CTC1: variants seen among roughly 807,000 people sequenced by gnomAD.
The protein encoded by CTC1 is CST complex subunit CTC1.
In CTC1, 91 loss-of-function variants were observed where a neutral mutation model predicts 136.3. That is an observed-to-expected ratio of 0.67 (90% CI 0.56 to 0.79). CTC1 has a LOEUF of 0.79. Ranked by LOEUF, CTC1 falls within the 30% of genes least tolerant of loss-of-function variation. CTC1 has a pLI of 0.00. For synonymous variants in CTC1, 606 were observed against 613.8 expected (o/e 0.99, Z 0.19); for missense variants, 1,432 against 1,498.1 (o/e 0.96, Z 0.73).
At position 8,230,671 on chromosome 17, in the gene CTC1, C is replaced by T; in HGVS notation, c.2670-20G>A. 6.2e-7 allele frequency: 1 copy of T among 1,604,622 alleles called. No homozygotes were observed. ...GTGAAACTGGAAGGTCAGGGAAATA[C>T]ACTGAGAATGGAGGCACAAGAAAGC... On this transcript the variant is annotated intron_variant, in intron 15 of 22. Coordinates refer to ENST00000651323, the MANE Select transcript of CTC1 (RefSeq NM_025099.6).
At chr17:8,245,534 C>A (rs553300426) in intron 1 of CTC1, among the ~76,000 whole-genome samples, 1 of 152,206 alleles carries the variant, frequency 6.6e-6, no homozygotes, top group South Asian at 2.1e-4. Context: ...ATGGCCTATC[C>A]TTTGCTTGGT....
rs976857663 is a variant in CTC1, at chr17:8,226,527, T to G, written c.*1653A>C. ...ATCAAATTCTCGATTCTAGAGTTCCTAGATGAGAGGTTTGGAGGGTGCCGA... is the reference window on the plus strand; with the variant it reads ...ATCAAATTCTCGATTCTAGAGTTCCGAGATGAGAGGTTTGGAGGGTGCCGA... On this transcript the variant is annotated 3_prime_UTR_variant, in exon 23 of 23. Transcript: ENST00000651323. The G allele has an allele frequency of 3.3e-5, 5 of 152,200 alleles. No homozygotes were observed. The highest frequency in any genetic ancestry group is 7.3e-5 in the Non-Finnish European group (5 of 68,042). The allele number at this position is 152,200 out of a possible 1,614,324, so 9.4% of individuals were successfully genotyped here.
chr17:8,247,840 C>G (rs1988889765), intron 1 of CTC1, 164 bp downstream of exon 1: 1 of 669,118 alleles, frequency 1.5e-6, no homozygotes, highest in Admixed American at 2.6e-5. Context: ...AATAAACATT[C>G]GCAGAACCAG....
At chr17:8,240,877 C>CA (rs901431653) in intron 2 of CTC1, among the ~76,000 whole-genome samples, 3 of 150,926 alleles carry the variant, frequency 2.0e-5, no homozygotes, top group African/African-American at 7.3e-5. Flanking sequence ...ATTCCATCTC[C>CA]AAAAAAAAGA....
At position 8,234,598 on chromosome 17, in the gene CTC1, C is replaced by A; in HGVS notation, c.1675G>T (p.Gly559Ter). The change falls in exon 10 of 23, where the codon GGA becomes TGA. Residue 559 changes from glycine to a stop codon, truncating the protein, a stop_gained. Transcript: ENST00000651323. LOFTEE classifies it high-confidence loss of function. ...AAGGAGGCCCAGGCCTTACGCTGTC[C>A]TTCTTCTTTCAGGGTGGCCAGAGTG... ...FPTLATLKEE[G>*]QRKAWASFDP... The A allele has an allele frequency of 6.2e-7, 1 of 1,611,800 alleles. No homozygotes were observed.
rs567675467 is a variant in CTC1 at position 8,242,585 on chromosome 17, T to C, written c.197+400A>G. Among the ~76,000 whole-genome samples the C allele has an allele frequency of 1.5e-3, 210 of 135,702 alleles. 1 individual carries two copies. Among genetic ancestry groups the C allele is most frequent in the Admixed American group, 4.5e-3 (61 of 13,616 alleles). 89.0% of individuals were successfully genotyped at this position (135,702 alleles called of 152,430 possible). A position where few individuals can be genotyped will look rare whatever the true frequency, so the allele number is the denominator to read the frequency against. ...ATATATATATATATATATATACACATATATATATAAACACACTCTCGGAAG... is the reference window on the plus strand; with the variant it reads ...ATATATATATATATATATATACACACATATATATAAACACACTCTCGGAAG... On this transcript the variant is annotated intron_variant, in intron 2 of 22. Coordinates refer to ENST00000651323, the MANE Select transcript of CTC1 (RefSeq NM_025099.6).
At chr17:8,233,920 G>C (rs1296326826) in intron 10 of CTC1, among the ~76,000 whole-genome samples, 1 of 152,248 alleles carries the variant, frequency 6.6e-6, no homozygotes, top group African/African-American at 2.4e-5. Flanking sequence ...CTGGGCTACA[G>C]AGCAAGATCC....
intron 1 of CTC1, among the ~76,000 whole-genome samples, chr17:8,245,184 T>A (rs542176239): frequency 2.0e-5 from 3 of 152,154 alleles, no homozygotes; most frequent in African/African-American, 7.2e-5. Flanking sequence ...AAAATACCCA[T>A]CAAGTACTAT....
chr17:8,232,218 G>C lies in CTC1; in HGVS notation c.2070C>G (p.Val690=), dbSNP rs1026653265. The change falls in exon 13 of 23, where the codon GTC becomes GTG. Residue 690 remains valine, a synonymous_variant. Coordinates refer to ENST00000651323, the MANE Select transcript of CTC1 (RefSeq NM_025099.6). ...FIQKQQARVY[V]QFFLADALIL... ...TCAGGGCATCAGCCAGAAAGAACTG[G>C]ACATAGACTCTGTTGGGAGAGACAA... 1 of 1,531,912 alleles carries C rather than the reference G, an allele frequency of 6.5e-7. No homozygotes were observed. The highest frequency in any genetic ancestry group is 2.3e-5 in the East Asian group (1 of 44,324). 94.9% of individuals were successfully genotyped at this position (1,531,912 alleles called of 1,614,324 possible).
At chr17:8,241,892 T>A (rs1440780393) in intron 2 of CTC1, among the ~76,000 whole-genome samples, 1 of 146,672 alleles carries the variant, frequency 6.8e-6, no homozygotes, top group African/African-American at 2.5e-5. Flanking sequence ...GGTATTTACA[T>A]AGGGTACGGT....
intron 2 of CTC1, among the ~76,000 whole-genome samples, chr17:8,242,167 T>C (rs913422163): frequency 6.6e-6 from 1 of 151,892 alleles, no homozygotes; most frequent in Admixed American, 6.6e-5. Flanking sequence ...TAGCTGGGGA[T>C]TGCAGGCGCC....
intron 20 of CTC1, 66 bp from the exon 21 acceptor site, chr17:8,228,958 C>T (rs957904562): frequency 5.2e-6 from 8 of 1,538,568 alleles, no homozygotes; most frequent in Admixed American, 3.9e-5. Flanking sequence ...CTGGACCCAA[C>T]ATGCCTCCCT....
Position 8,227,058 on chromosome 17 carries a change from A to G in CTC1, c.*1122T>C, listed in dbSNP as rs987200385. The G allele has an allele frequency of 1.3e-5, 2 of 152,454 alleles. No homozygotes were observed. Among genetic ancestry groups the G allele is most frequent in the Non-Finnish European group, 2.9e-5 (2 of 68,048 alleles). The allele number at this position is 152,454 out of a possible 1,614,324, so 9.4% of individuals were successfully genotyped here. On this transcript the variant is annotated 3_prime_UTR_variant, in exon 23 of 23. Coordinates refer to ENST00000651323, the MANE Select transcript of CTC1 (RefSeq NM_025099.6). ...CACCACGCTCTAACCAACTGAGCTA[A>G]CCGGCCACTAACTTTCCGGGTCTAC...
intron 2 of CTC1, among the ~76,000 whole-genome samples, chr17:8,239,035 T>C (rs1051294454): frequency 2.2e-5 from 3 of 138,170 alleles, no homozygotes; most frequent in Non-Finnish European, 4.5e-5. Flanking sequence ...GAGGTTGCAG[T>C]GAGCTGAGAT....
In CTC1 at chr17:8,248,020, G is replaced by C; in HGVS notation, c.17C>G (p.Ala6Gly). The change falls in exon 1 of 23, where the codon GCC becomes GGC. Residue 6 changes from alanine (A) to glycine (G), a missense_variant. Ala to Gly is a moderately conservative substitution (Grantham distance 60). Transcript: ENST00000651323. ...AGCACTCACGGAGGAAGGGACCTGGGCCCGGCCAGCCGCCATGATGCGCCG... is the reference window on the plus strand; with the variant it reads ...AGCACTCACGGAGGAAGGGACCTGGCCCCGGCCAGCCGCCATGATGCGCCG... MAAGR[A>G]QVPSSEQAWL... is the part of the protein sequence containing the mutation. The C allele has an allele frequency of 1.4e-6, 2 of 1,464,598 alleles. No homozygotes were observed. Among genetic ancestry groups the C allele is most frequent in the Non-Finnish European group, 1.8e-6 (2 of 1,087,560 alleles). The allele number at this position is 1,464,598 out of a possible 1,614,324, so 90.7% of individuals were successfully genotyped here. A position where few individuals can be genotyped will look rare whatever the true frequency, so the allele number is the denominator to read the frequency against.
Position 8,231,713 on chromosome 17 carries a change from G to A in CTC1, c.2475+13C>T, listed in dbSNP as rs1987242884. 2 of 1,611,318 alleles carry A rather than the reference G, an allele frequency of 1.2e-6. No homozygotes were observed. Among genetic ancestry groups the A allele is most frequent in the African/African-American group, 1.3e-5 (1 of 74,854 alleles). On this transcript the variant is annotated intron_variant, in intron 14 of 22. Coordinates refer to ENST00000651323, the MANE Select transcript of CTC1 (RefSeq NM_025099.6). ...GCTTTCTGGGGAAAGGTATGATGAAGTAGGACACTCACAGCGGGGCCAGGA... is the reference window on the plus strand; with the variant it reads ...GCTTTCTGGGGAAAGGTATGATGAAATAGGACACTCACAGCGGGGCCAGGA...
Position 8,235,133 on chromosome 17 carries a change from G to A in CTC1, c.1359C>T (p.Tyr453=), listed in dbSNP as rs371189165. ...ACTGACGTTCCCACACCAGCTGCTC[G>A]TACAGGGAGGCCCCGTAGGCTTGAC... is the stretch of plus-strand genomic sequence containing the variant. ...SSRQAYGASL[Y]EQLVWERQLG... Residue 453 remains tyrosine, a synonymous_variant, in exon 8 of 23, where the codon TAC becomes TAT. Transcript: ENST00000651323. 4.0e-5 allele frequency: 64 copies of A among 1,614,134 alleles called. No homozygotes were observed. In the Middle Eastern group the frequency reaches 9.9e-4, roughly 25 times the overall value.
At chr17:8,241,637 C>T (rs984045393) in intron 2 of CTC1, among the ~76,000 whole-genome samples, 12 of 149,072 alleles carry the variant, frequency 8.0e-5, no homozygotes, top group Non-Finnish European at 1.6e-4. Context: ...AGGCCAGGCA[C>T]GGTGGCTCAT....
chr17:8,232,150 G>A lies in CTC1; in HGVS notation c.2138C>T (p.Ser713Leu), dbSNP rs1437692739. The change falls in exon 13 of 23, where the codon TCA becomes TTA. Residue 713 changes from serine to leucine, a missense_variant. Ser to Leu is a moderately radical substitution (Grantham distance 145, BLOSUM62 -2). Coordinates refer to ENST00000651323, the MANE Select transcript of CTC1 (RefSeq NM_025099.6). ...GCCGGTGGGATCTGTCTGAGGTGTTGAGGGTGTTGCTGAATGAAGGCAGGG... is the reference window on the plus strand; with the variant it reads ...GCCGGTGGGATCTGTCTGAGGTGTTAAGGGTGTTGCTGAATGAAGGCAGGG... ...PRPCLHSATPSTPQTDPTGPE... is the reference protein window; with the variant it reads ...PRPCLHSATPLTPQTDPTGPE... The A allele has an allele frequency of 2.6e-6, 4 of 1,525,152 alleles. No individual in the cohort carries two copies. The highest frequency in any genetic ancestry group is 3.5e-6 in the Non-Finnish European group (4 of 1,140,686). The allele number at this position is 1,525,152 out of a possible 1,614,324, so 94.5% of individuals were successfully genotyped here. A position where few individuals can be genotyped will look rare whatever the true frequency, so the allele number is the denominator to read the frequency against.
Sources: gnomAD v4.1 joint callset for allele counts (sites outside exome capture counted in the v4.1 genomes callset) on GRCh38, gnomAD v4.1.1 for gene constraint, MANE v1.5 for transcripts, NCBI Gene and HGNC (gene_info 2026-07-23, HGNC 2026-07-21) for gene names.